The following C1S variants were observed in gnomAD, a reference collection of about 807,000 sequenced individuals.
C1S encodes the protein complement C1s, also known as complement C1s subcomponent.
In C1S, 31 loss-of-function variants were observed where a neutral mutation model predicts 54.0. The observed-to-expected ratio is 0.57, with a 90% CI of 0.43 to 0.78. The LOEUF (loss-of-function observed/expected upper bound fraction) is 0.78. Among genes scored for constraint, C1S ranks in the 30% least tolerant of loss-of-function variants. The pLI, the probability that C1S is intolerant of heterozygous loss-of-function variation, is 0.00. For synonymous variants in C1S, 292 were observed against 303.6 expected, an observed-to-expected ratio of 0.96 and a Z score of 0.40; for missense variants, 727 against 851.8, an observed-to-expected ratio of 0.85 and a Z score of 1.82.
In C1S at chr12:7,061,845, A is replaced by T. The variant is rs782642226; in HGVS notation, c.-68A>T. The stretch of plus-strand genomic sequence containing the variant: ...CAGGCCTGCCACCCCTTAGGCTCCA[A>T]AGTCCGGAGGTGCAGAAAGCCAGGA... On this transcript the variant is annotated 5_prime_UTR_variant, in exon 2 of 12. Coordinates refer to ENST00000360817, the MANE Select transcript of C1S (RefSeq NM_001734.5). The T allele has an allele frequency of 6.2e-7, 1 of 1,600,906 alleles. No homozygotes were observed. Among genetic ancestry groups the T allele is most frequent in the South Asian group, 1.1e-5 (1 of 90,744 alleles).
chr12:7,062,776 G>T, intron 3 of C1S, 94 bp downstream of exon 3: 1 of 1,475,300 alleles, frequency 6.8e-7, no homozygotes. Flanking sequence ...TACTCACAGT[G>T]AACTGGAGTC....
Position 7,069,855 on chromosome 12 carries a change from T to A in C1S, c.1271T>A (p.Val424Asp), listed in dbSNP as rs782422223. The A allele has an allele frequency of 3.1e-6, 5 of 1,613,110 alleles. No homozygotes were observed. The East Asian group carries it at 1.1e-4, about 36-fold the overall frequency. Residue 424 changes from valine (V) to aspartate (D), a missense_variant and splice_region_variant, in exon 12 of 12, where the codon GTC becomes GAC. Val to Asp is a radical substitution (Grantham distance 152). This residue lies in a region of C1S where 360 missense variants were observed against 453.6 expected (regional missense o/e 0.79). Transcript: ENST00000360817. Reference sequence around the variant, plus strand: ...CCTGTGTTGTTTTATTCCTTCCTAGTCTGTGGAGTCCCCAGAGAACCCTTT... The same window carrying A: ...CCTGTGTTGTTTTATTCCTTCCTAGACTGTGGAGTCCCCAGAGAACCCTTT... ...LGPELPKCVP[V>D]CGVPREPFEE...
Position 7,070,503 on chromosome 12 carries a change from A to T in C1S, c.1919A>T (p.Asp640Val), listed in dbSNP as rs1475213307. Reference sequence around the variant, plus strand: ...AGTGGTGGGGCCTTTGCTGTACAGGATCCCAATGACAAGACCAAATTCTAC... The same window carrying T: ...AGTGGTGGGGCCTTTGCTGTACAGGTTCCCAATGACAAGACCAAATTCTAC... Reference protein sequence around the residue: ...GDSGGAFAVQDPNDKTKFYAA... With the variant: ...GDSGGAFAVQVPNDKTKFYAA... The change falls in exon 12 of 12, where the codon GAT becomes GTT. Residue 640 changes from aspartate (D) to valine (V), a missense_variant. This residue lies in a region of C1S where 360 missense variants were observed against 453.6 expected (regional missense o/e 0.79). Coordinates refer to ENST00000360817, the MANE Select transcript of C1S (RefSeq NM_001734.5). This position sits in a 1 kb window ranked among gnomAD's most constrained non-coding sequence, Gnocchi z 4.9. 8 of 1,613,998 alleles carry T rather than the reference A, an allele frequency of 5.0e-6. No individual in the cohort carries two copies. The highest frequency in any genetic ancestry group is 6.8e-6 in the Non-Finnish European group (8 of 1,179,912).
intron 9 of C1S, chr12:7,067,348 TTAG>T (rs1317227028): frequency 2.7e-5 from 17 of 626,882 alleles, no homozygotes; most frequent in Non-Finnish European, 2.8e-5. Flanking sequence ...ATAGGTCGAG[TTAG>T]TAGCCCCACG....
intron 2 of C1S, 63 bp from the exon 3 acceptor site, chr12:7,062,412 G>A: frequency 2.5e-6 from 3 of 1,210,458 alleles, no homozygotes; most frequent in Admixed American, 3.4e-5. Context: ...CTGGCAAATA[G>A]CGCGTTCTGT....
In C1S at chr12:7,063,015, CT is replaced by C. The variant is rs1555161504; in HGVS notation, c.343del (p.Ser115ProfsTer18). ...NKLQVIFKSDFSNEERFTGFA... is the reference protein window; with the variant it reads ...NKLQVIFKSDXSNEERFTGFA... Reference sequence around the variant, plus strand: ...AACTCCAGGTGATCTTTAAGTCAGACTTTTCCAATGAAGAGCGTTTTACGGG... The same window carrying C: ...AACTCCAGGTGATCTTTAAGTCAGACTTTCCAATGAAGAGCGTTTTACGGG... On this transcript the variant is annotated frameshift_variant, in exon 4 of 12. Coordinates refer to ENST00000360817, the MANE Select transcript of C1S (RefSeq NM_001734.5). LOFTEE classifies it high-confidence loss of function. 1 of 1,614,144 alleles carries C rather than the reference CT, an allele frequency of 6.2e-7. No homozygotes were observed. The highest frequency in any genetic ancestry group is 8.5e-7 in the Non-Finnish European group (1 of 1,180,026).
intron 3 of C1S, 30 bp from the exon 4 acceptor site, chr12:7,062,860 T>A: frequency 6.2e-7 from 1 of 1,610,818 alleles, no homozygotes; most frequent in South Asian, 1.1e-5. Flanking sequence ...TACCCTTTCC[T>A]AGATTTTTTT....
chr12:7,067,095 T>G lies in C1S; in HGVS notation c.1044T>G (p.Ser348Arg), dbSNP rs1555162395. ...CTTGTCAAAGCAATGGAAAGTGGAG[T>G]AATTCCAAACTGAAATGTCAACGTA... is the stretch of plus-strand genomic sequence containing the variant. ...YSTCQSNGKW[S>R]NSKLKCQPVD... The change falls in exon 9 of 12, where the codon AGT becomes AGG. Residue 348 changes from serine to arginine, a missense_variant. By Grantham distance (110) the Ser-to-Arg change is moderately radical. This residue lies in a region of C1S where 360 missense variants were observed against 453.6 expected (regional missense o/e 0.79). Transcript: ENST00000360817. The G allele has an allele frequency of 1.2e-6, 2 of 1,608,654 alleles. No homozygotes were observed. The highest frequency in any genetic ancestry group is 4.5e-5 in the East Asian group (2 of 44,858).
In C1S at chr12:7,065,685, C is replaced by G; in HGVS notation, c.718-132C>G. The G allele has an allele frequency of 3.6e-6, 3 of 828,904 alleles. No individual in the cohort carries two copies. In the Admixed American group the frequency reaches 6.0e-5, roughly 16 times the overall value. The allele number at this position is 828,904 out of a possible 1,614,324, so 51.3% of individuals were successfully genotyped here. A position where few individuals can be genotyped will look rare whatever the true frequency, so the allele number is the denominator to read the frequency against. Reference sequence around the variant, plus strand: ...GCACTCAGCCTGAAGATAAAATTATCTTTTCTCCTGACCCTTATTTTCTTC... The same window carrying G: ...GCACTCAGCCTGAAGATAAAATTATGTTTTCTCCTGACCCTTATTTTCTTC... On this transcript the variant is annotated intron_variant, in intron 6 of 11. Coordinates refer to ENST00000360817, the MANE Select transcript of C1S (RefSeq NM_001734.5).
rs12371227 is a variant in C1S at position 7,069,674 on chromosome 12, C to T, written c.1271-181C>T. On this transcript the variant is annotated intron_variant, in intron 11 of 11. Transcript: ENST00000360817. The stretch of plus-strand genomic sequence containing the variant: ...GAGCCAGCTTATGACATCGGCAAAG[C>T]GGGATGTTTAGGTAAGGCCAGAGTG... Among the ~76,000 whole-genome samples the T allele has an allele frequency of 0.13, 20,426 of 152,160 alleles. 1,375 individuals are homozygous for T. Among genetic ancestry groups the T allele is most frequent in the African/African-American group, 0.14 (5,989 of 41,526 alleles).
rs1555162522 is a variant in C1S at position 7,067,707 on chromosome 12, G to A, written c.1131G>A (p.Leu377=). 6.2e-7 allele frequency: 1 copy of A among 1,613,964 alleles called. No individual in the cohort carries two copies. Among genetic ancestry groups the A allele is most frequent in the Admixed American group, 1.7e-5 (1 of 60,020 alleles). The part of the protein sequence containing the change: ...NGKVEDPEST[L]FGSVIRYTCE... The stretch of plus-strand genomic sequence containing the variant: ...AAGTTGAAGACCCAGAGAGCACTTT[G>A]TTTGGTTCTGTCATCCGCTACACTT... Residue 377 remains leucine (L), a synonymous_variant, in exon 10 of 12, where the codon TTG becomes TTA. Transcript: ENST00000360817.
rs782452456 is a variant in C1S at position 7,070,058 on chromosome 12, G to A, written c.1474G>A (p.Val492Met). 1 of 1,614,056 alleles carries A rather than the reference G, an allele frequency of 6.2e-7. No individual in the cohort carries two copies. The highest frequency in any genetic ancestry group is 1.7e-5 in the Admixed American group (1 of 60,006). The change falls in exon 12 of 12, where the codon GTG becomes ATG. Residue 492 changes from valine (V) to methionine (M), a missense_variant. Val to Met is a conservative substitution (Grantham distance 21). Around this residue, in one of 3 missense-constraint regions of C1S, gnomAD observed 360 missense variants for 453.6 expected, o/e 0.79. Coordinates refer to ENST00000360817, the MANE Select transcript of C1S (RefSeq NM_001734.5). The surrounding 1 kb of genome is among the most constrained non-coding windows in gnomAD (Gnocchi z 4.9). The part of the protein sequence containing the change: ...EPTMYVGSTS[V>M]QTSRLAKSKM... Reference sequence around the variant, plus strand: ...AACAATGTATGTTGGGTCCACCTCAGTGCAGACCTCACGGCTGGCAAAATC... The same window carrying A: ...AACAATGTATGTTGGGTCCACCTCAATGCAGACCTCACGGCTGGCAAAATC...
At chr12:7,066,305 T>C in intron 7 of C1S, 1 of 641,034 alleles carries the variant, frequency 1.6e-6, no homozygotes, top group Non-Finnish European at 2.8e-6. Flanking sequence ...CAACCTCTAG[T>C]AATCCTTTAA....
intron 8 of C1S, 45 bp from the exon 9 acceptor site, chr12:7,066,994 C>T (rs782523614): frequency 2.7e-5 from 38 of 1,432,828 alleles, no homozygotes; most frequent in South Asian, 4.6e-5. Flanking sequence ...TTTGGTTTCC[C>T]ATATCTCTCT....
chr12:7,062,256 G>A lies in C1S; in HGVS notation c.6-219G>A, dbSNP rs1947101099. 5 of 535,654 alleles carry A rather than the reference G, an allele frequency of 9.3e-6. No homozygotes were observed. The South Asian group carries it at 1.0e-4, about 11-fold the overall frequency. 33.2% of individuals were successfully genotyped at this position (535,654 alleles called of 1,614,324 possible). ...ACTGCACTCCAGCCTGGGTGACAGA[G>A]TGAGAACCTGTCTCAAAAAAAAAAA... is the stretch of plus-strand genomic sequence containing the variant. On this transcript the variant is annotated intron_variant, in intron 2 of 11. Coordinates refer to ENST00000360817, the MANE Select transcript of C1S (RefSeq NM_001734.5).
rs782540872 is a variant in C1S at position 7,066,507 on chromosome 12, G to T, written c.872-11G>T. 6.5e-7 allele frequency: 1 copy of T among 1,537,598 alleles called. No individual in the cohort carries two copies. Among genetic ancestry groups the T allele is most frequent in the Non-Finnish European group, 9.0e-7 (1 of 1,110,154 alleles). ...ATTTTTTCCTCCTGTCCCAACTTCT[G>T]TTCTTTCAAGCAATGCCCTGCCCTA... is the stretch of plus-strand genomic sequence containing the variant. On this transcript the variant is annotated splice_polypyrimidine_tract_variant and intron_variant, in intron 7 of 11. Coordinates refer to ENST00000360817, the MANE Select transcript of C1S (RefSeq NM_001734.5).
intron 1 of C1S, chr12:7,061,190 G>A (rs1210877593): frequency 1.3e-5 from 2 of 152,360 alleles, no homozygotes; most frequent in Non-Finnish European, 2.9e-5. Flanking sequence ...GAAAACGAAT[G>A]TAGGAAGTTT....
rs2135729686 is a variant in C1S, at chr12:7,070,020, G to A, written c.1436G>A (p.Gly479Glu). 1.9e-6 allele frequency: 3 copies of A among 1,614,144 alleles called. No homozygotes were observed. Among genetic ancestry groups the A allele is most frequent in the East Asian group, 2.2e-5 (1 of 44,886 alleles). Residue 479 changes from glycine (G) to glutamate (E), a missense_variant, in exon 12 of 12, where the codon GGA becomes GAA. Transcript: ENST00000360817. This position sits in a 1 kb window ranked among gnomAD's most constrained non-coding sequence, Gnocchi z 4.9. ...WVLTAAHVVE[G>E]NREPTMYVGS... Reference sequence around the variant, plus strand: ...CTGACGGCTGCTCATGTTGTGGAGGGAAACAGGGAGCCAACAATGTATGTT... The same window carrying A: ...CTGACGGCTGCTCATGTTGTGGAGGAAAACAGGGAGCCAACAATGTATGTT...
At chr12:7,062,863 A>ATT in intron 3 of C1S, 27 bp from the exon 4 acceptor site, 2 of 1,498,130 alleles carry the variant, frequency 1.3e-6, no homozygotes, top group Non-Finnish European at 9.2e-7. Flanking sequence ...CCTTTCCTAG[A>ATT]TTTTTTTTTT....
Sources: allele counts gnomAD v4.1 joint callset (sites outside exome capture counted in the v4.1 genomes callset), GRCh38; gene constraint gnomAD v4.1.1; regional missense constraint gnomAD v4.1.1; non-coding constraint Gnocchi (gnomAD v3.1); transcripts MANE v1.5; gene names NCBI Gene and HGNC (gene_info 2026-07-23, HGNC 2026-07-21).